MTF1: variants seen among roughly 807,000 people sequenced by gnomAD.
MTF1 encodes the protein metal regulatory transcription factor 1, also known as MRE-binding transcription factor.
In MTF1, 22 loss-of-function variants were observed where a neutral mutation model predicts 70.4. The observed-to-expected ratio is 0.31, with a 90% CI of 0.22 to 0.45. The LOEUF is 0.45. Among genes scored for constraint, MTF1 ranks in the 20% least tolerant of loss-of-function variants. The pLI, the probability that MTF1 is intolerant of heterozygous loss-of-function variation, is 1.00. For missense variants in MTF1, 649 were observed against 922.0 expected, an observed-to-expected ratio of 0.70 and a Z score of 3.83; for synonymous variants, 333 against 352.8, an observed-to-expected ratio of 0.94 and a Z score of 0.63.
At chr1:37,845,441 G>A (rs1641317854) in intron 2 of MTF1, among the ~76,000 whole-genome samples, 1 of 152,128 alleles carries the variant, frequency 6.6e-6, no homozygotes, top group Non-Finnish European at 1.5e-5. Flanking sequence ...AGAGGGGAGG[G>A]GGCGGATAGC....
chr1:37,831,184 T>G (rs1186742358), intron 7 of MTF1, among the ~76,000 whole-genome samples: 1 of 152,154 alleles, frequency 6.6e-6, no homozygotes, highest in African/African-American at 2.4e-5. Flanking sequence ...TTGTCTAGAA[T>G]TTTTAGCTGT....
At chr1:37,838,151 C>A (rs1488565266) in intron 4 of MTF1, among the ~76,000 whole-genome samples, 1 of 152,128 alleles carries the variant, frequency 6.6e-6, no homozygotes, top group Non-Finnish European at 1.5e-5. Context: ...CTAAGCATCC[C>A]TACCTCTCAT....
chr1:37,815,812 C>T lies in MTF1; in HGVS notation c.1832-246G>A, dbSNP rs1192902108. ...GTCACACACACGATCTAGATGCACC[C>T]TGTATTTCCAGCTTCATTTCCAGTC... is the stretch of plus-strand genomic sequence containing the variant. On this transcript the variant is annotated intron_variant, in intron 10 of 10. Transcript: ENST00000373036. This position sits in a 1 kb window ranked among gnomAD's most constrained non-coding sequence, Gnocchi z 4.5. Among the ~76,000 whole-genome samples, 1 of 152,164 alleles carries T rather than the reference C, an allele frequency of 6.6e-6. No homozygotes were observed. The highest frequency in any genetic ancestry group is 1.5e-5 in the Non-Finnish European group (1 of 68,036).
At chr1:37,816,550 C>T (rs1211387816) in intron 10 of MTF1, among the ~76,000 whole-genome samples, 1 of 151,836 alleles carries the variant, frequency 6.6e-6, no homozygotes, top group African/African-American at 2.4e-5. Context: ...TGTTGAATGC[C>T]TGTAATCCCA....
chr1:37,847,825 G>A lies in MTF1; in HGVS notation c.409-7667C>T, dbSNP rs866854458. 6.6e-5 allele frequency among the ~76,000 whole-genome samples: 10 copies of A among 152,118 alleles called. 1 individual carries two copies. Among genetic ancestry groups the A allele is most frequent in the Middle Eastern group, 3.4e-3 (1 of 294 alleles). On this transcript the variant is annotated intron_variant, in intron 2 of 10. Transcript: ENST00000373036. ...AGCATGGGCAACATAGCAAGACCGC[G>A]ACTCTCCAAAAAAATAAGAAATTAG...
intron 1 of MTF1, among the ~76,000 whole-genome samples, chr1:37,859,141 C>CG (rs765536010): frequency 1.3e-5 from 2 of 152,204 alleles, no homozygotes; most frequent in Non-Finnish European, 2.9e-5. Context: ...TGGGCTGCCC[C>CG]GGCACCCTCG....
chr1:37,823,286 A>C (rs1640946605), intron 8 of MTF1, among the ~76,000 whole-genome samples: 1 of 152,060 alleles, frequency 6.6e-6, no homozygotes, highest in South Asian at 2.1e-4. Context: ...AAATACAAAA[A>C]AAAAAAATTA....
chr1:37,832,717 G>C (rs1055041295), intron 6 of MTF1, among the ~76,000 whole-genome samples: 1 of 152,236 alleles, frequency 6.6e-6, no homozygotes, highest in Middle Eastern at 3.4e-3. Flanking sequence ...TTAATAAAGA[G>C]TTTTAGAGGC....
intron 3 of MTF1, among the ~76,000 whole-genome samples, chr1:37,839,068 T>C (rs1159184862): frequency 6.6e-6 from 1 of 152,108 alleles, no homozygotes; most frequent in Non-Finnish European, 1.5e-5. Flanking sequence ...CCTCCCAAAG[T>C]GCTGGGATAA....
Position 37,857,276 on chromosome 1 carries a change from T to G in MTF1, c.383A>C (p.Glu128Ala). 1 of 1,613,100 alleles carries G rather than the reference T, an allele frequency of 6.2e-7. No individual in the cohort carries two copies. Among genetic ancestry groups the G allele is most frequent in the Non-Finnish European group, 8.5e-7 (1 of 1,179,090 alleles). ...TTCTTTACGTTTTGTTTCCGGACAT[T>G]CCGACTGCAGAGTGAGGGTTGCACC... is the stretch of plus-strand genomic sequence containing the variant. ...IEGATLTLQS[E>A]CPETKRKEVK... is the part of the protein sequence containing the mutation. The change falls in exon 2 of 11, where the codon GAA becomes GCA. Residue 128 changes from glutamate to alanine, a missense_variant. Around this residue, in one of 7 missense-constraint regions of MTF1, gnomAD observed 118 missense variants for 287.2 expected, o/e 0.41. Transcript: ENST00000373036.
At chr1:37,848,840 A>T (rs1238913220) in intron 2 of MTF1, among the ~76,000 whole-genome samples, 1 of 152,224 alleles carries the variant, frequency 6.6e-6, no homozygotes, top group Non-Finnish European at 1.5e-5. Flanking sequence ...TAATCACAGT[A>T]TGCAAAGACT....
chr1:37,835,298 A>C, intron 5 of MTF1, 83 bp from the exon 6 acceptor site: 1 of 1,209,414 alleles, frequency 8.3e-7, no homozygotes, highest in South Asian at 1.3e-5. Flanking sequence ...AATAGAGGTA[A>C]GTAAGTATTT....
rs1477901681 is a variant in MTF1 at position 37,857,397 on chromosome 1, C to A, written c.262G>T (p.Ala88Ser). The change falls in exon 2 of 11, where the codon GCA becomes TCA. Residue 88 changes from alanine (A) to serine (S), a missense_variant. Ala to Ser is a moderately conservative substitution (Grantham distance 99). Transcript: ENST00000373036. ...EEGFHLIDHE[A>S]MSQGYVQHII... is the part of the protein sequence containing the mutation. ...TGCTGCACATAACCCTGGGACATTG[C>A]TTCATGATCTATCAGGTGAAAGCCC... is the stretch of plus-strand genomic sequence containing the variant. 3 of 1,614,082 alleles carry A rather than the reference C, an allele frequency of 1.9e-6. No individual in the cohort carries two copies. Among genetic ancestry groups the A allele is most frequent in the African/African-American group, 2.7e-5 (2 of 74,908 alleles).
intron 7 of MTF1, among the ~76,000 whole-genome samples, chr1:37,826,865 G>A (rs1006427282): frequency 6.6e-6 from 1 of 152,070 alleles, no homozygotes; most frequent in South Asian, 2.1e-4. Flanking sequence ...TCAAATCCTA[G>A]CTACTCGGGA....
intron 4 of MTF1, among the ~76,000 whole-genome samples, chr1:37,837,694 T>C (rs761237151): frequency 1.3e-5 from 2 of 151,990 alleles, no homozygotes; most frequent in Admixed American, 6.6e-5. Context: ...TTAGTAGAGA[T>C]GTGGTCTCAC....
At chr1:37,838,593 G>A (rs537955694) in intron 4 of MTF1, 32 bp downstream of exon 4, 128 of 1,585,798 alleles carry the variant, frequency 8.1e-5, no homozygotes, top group Non-Finnish European at 1.1e-4. Context: ...CTGAAACCTG[G>A]TCAGTGACAA....
chr1:37,853,278 G>C (rs1338520105), intron 2 of MTF1, among the ~76,000 whole-genome samples: 1 of 152,192 alleles, frequency 6.6e-6, no homozygotes, highest in Non-Finnish European at 1.5e-5. Context: ...ACCCATAGAA[G>C]GTTACCACTG....
chr1:37,835,588 C>A, intron 5 of MTF1, 83 bp downstream of exon 5: 1 of 1,017,086 alleles, frequency 9.8e-7, no homozygotes, highest in South Asian at 1.3e-5. Context: ...ATCTATATCT[C>A]TGTATATCCA....
chr1:37,843,487 T>C (rs890842339), intron 2 of MTF1, among the ~76,000 whole-genome samples: 9 of 152,122 alleles, frequency 5.9e-5, no homozygotes, highest in Non-Finnish European at 1.0e-4. Context: ...GAGATAAGGA[T>C]GAGTGTGACT....
Sources: allele counts gnomAD v4.1 joint callset (sites outside exome capture counted in the v4.1 genomes callset), GRCh38; gene constraint gnomAD v4.1.1; regional missense constraint gnomAD v4.1.1; non-coding constraint Gnocchi (gnomAD v3.1); transcripts MANE v1.5; gene names NCBI Gene and HGNC (gene_info 2026-07-23, HGNC 2026-07-21).